The following ANKRD36C variants were observed in gnomAD, a reference collection of about 807,000 sequenced individuals.
The protein encoded by ANKRD36C is ankyrin repeat domain 36C.
A neutral mutation model predicts 276.4 loss-of-function variants in ANKRD36C; 61 were observed. That is an observed-to-expected ratio of 0.22 (90% CI 0.18 to 0.27). ANKRD36C has a LOEUF of 0.27. ANKRD36C is among the 10% of genes least tolerant of loss of function. The pLI, the probability that ANKRD36C is intolerant of heterozygous loss-of-function variation, is 1.00. For missense variants in ANKRD36C, 1,447 were observed against 2,032.3 expected (o/e 0.71, Z 5.54); for synonymous variants, 483 against 680.1 (o/e 0.71, Z 4.51).
At chr2:95,943,332 A>T (rs1480500826) in intron 19 of ANKRD36C, among the ~76,000 whole-genome samples, 4 of 151,982 alleles carry the variant, frequency 2.6e-5, no homozygotes, top group Admixed American at 6.6e-5. Context: ...AAATATAAAA[A>T]AAATTAGCCG....
At chr2:95,913,098 C>A (rs1434783181) in intron 40 of ANKRD36C, among the ~76,000 whole-genome samples, 1 of 149,092 alleles carries the variant, frequency 6.7e-6, no homozygotes, top group African/African-American at 2.5e-5. Context: ...ACTCTTGGCA[C>A]CAAAGGATAA....
At chr2:95,871,535 A>G (rs1675812117) in intron 59 of ANKRD36C, among the ~76,000 whole-genome samples, 1 of 152,208 alleles carries the variant, frequency 6.6e-6, no homozygotes, top group Non-Finnish European at 1.5e-5. Flanking sequence ...GTGGAAAGGA[A>G]CAACCGGTAC....
chr2:95,930,289 G>A (rs76386428), intron 24 of ANKRD36C, among the ~76,000 whole-genome samples: 2 of 151,438 alleles, frequency 1.3e-5, no homozygotes, highest in African/African-American at 4.8e-5. Flanking sequence ...ACAAAGAGGA[G>A]CAATGAGTCA....
intron 58 of ANKRD36C, 48 bp from the exon 79 acceptor site, chr2:95,876,560 A>G (rs1675958865): frequency 6.5e-7 from 1 of 1,538,630 alleles, no homozygotes; most frequent in Non-Finnish European, 8.9e-7. Flanking sequence ...CAGAACAGTT[A>G]GATAAAAGCC....
intron 22 of ANKRD36C, among the ~76,000 whole-genome samples, chr2:95,936,603 A>C (rs879357137): frequency 0.06 from 6,065 of 100,888 alleles, no homozygotes; most frequent in African/African-American, 0.12. Context: ...TACCAGGTCC[A>C]CATAAAGTCA....
exon 66 of ANKRD36C, chr2:95,851,725 C>T (rs746034483): frequency 3.3e-5 from 51 of 1,526,638 alleles, no homozygotes; most frequent in Non-Finnish European, 4.3e-5. Flanking sequence ...TTTCTCAAAC[C>T]GCTCAATTTG....
chr2:95,914,555 C>A (rs1677034305), intron 38 of ANKRD36C, among the ~76,000 whole-genome samples: 1 of 151,388 alleles, frequency 6.6e-6, no homozygotes, highest in Non-Finnish European at 1.5e-5. Flanking sequence ...TAAAATAAAA[C>A]CGTGTCAATC....
intron 48 of ANKRD36C, 136 bp from the exon 69 acceptor site, chr2:95,888,256 T>C: frequency 6.8e-7 from 1 of 1,476,140 alleles, no homozygotes; most frequent in Non-Finnish European, 9.2e-7. Flanking sequence ...ACTTTGTGAC[T>C]GGGGACTGGA....
At chr2:95,888,119 C>T in exon 49 of ANKRD36C, 1 of 1,608,748 alleles carries the variant, frequency 6.2e-7, no homozygotes, top group East Asian at 2.2e-5. Flanking sequence ...TCTGAGAAGA[C>T]ACTGAAAAGC....
intron 20 of ANKRD36C, among the ~76,000 whole-genome samples, chr2:95,940,207 A>G (rs1419957119): frequency 1.3e-5 from 2 of 152,300 alleles, no homozygotes; most frequent in African/African-American, 4.8e-5. Context: ...TATTTTTAGT[A>G]GAGATGGGGT....
Position 95,887,909 on chromosome 2 carries a change from T to C in ANKRD36C, c.3061+16A>G. 6.4e-7 allele frequency: 1 copy of C among 1,573,122 alleles called. No individual in the cohort carries two copies. The highest frequency in any genetic ancestry group is 8.6e-7 in the Non-Finnish European group (1 of 1,158,288). On this transcript the variant is annotated intron_variant, in intron 50 of 66. Transcript: ENST00000456556. ...TCTGGACTGAACATGACATTAAATG[T>C]GTTTTGTGAAATTACCTGTTCCAGA...
At chr2:95,902,325 A>G (rs1285940475) in intron 42 of ANKRD36C, among the ~76,000 whole-genome samples, 1 of 149,186 alleles carries the variant, frequency 6.7e-6, no homozygotes, top group African/African-American at 2.5e-5. Context: ...TTTGTTATGA[A>G]AATATTCCAA....
chr2:95,893,562 T>G, intron 44 of ANKRD36C: 1 of 1,557,282 alleles, frequency 6.4e-7, no homozygotes, highest in South Asian at 1.2e-5. Context: ...ATCCTTTTTT[T>G]CTCTGGCTAT....
Position 95,895,676 on chromosome 2 carries a change from T to C in ANKRD36C, c.2755+3469A>G, listed in dbSNP as rs1287975939. On this transcript the variant is annotated intron_variant, in intron 44 of 66. Transcript: ENST00000456556. ...TTCACACAGTGTTAGCATCAACCTC[T>C]GTCCTCCTGCCTGTATTAGTGGAGG... 3.2e-6 allele frequency: 5 copies of C among 1,554,082 alleles called. 1 individual carries two copies. The highest frequency in any genetic ancestry group is 3.6e-5 in the Admixed American group (2 of 55,800).
intron 42 of ANKRD36C, 77 bp from the exon 53 acceptor site, chr2:95,903,158 A>G: frequency 2.6e-6 from 4 of 1,527,410 alleles, no homozygotes; most frequent in Middle Eastern, 2.4e-4. Context: ...CAGTGTTAGC[A>G]TCAACCTCTG....
At chr2:95,872,826 A>G (rs2104300613) in intron 59 of ANKRD36C, among the ~76,000 whole-genome samples, 1 of 152,302 alleles carries the variant, frequency 6.6e-6, no homozygotes. Flanking sequence ...ACAAAATGAT[A>G]AAGGGGATAT....
chr2:95,888,093 T>C, exon 49 of ANKRD36C: 2 of 1,609,350 alleles, frequency 1.2e-6, no homozygotes, highest in South Asian at 2.2e-5. Flanking sequence ...TTTAATTACC[T>C]TCAAGGCTGG....
intron 60 of ANKRD36C, among the ~76,000 whole-genome samples, chr2:95,862,801 G>C (rs139235881): frequency 1.3e-5 from 2 of 152,152 alleles, no homozygotes; most frequent in Non-Finnish European, 2.9e-5. Context: ...CTAATGAATG[G>C]GATTAGTACT....
chr2:95,924,330 C>T (rs1677350871), intron 30 of ANKRD36C, among the ~76,000 whole-genome samples: 1 of 151,708 alleles, frequency 6.6e-6, no homozygotes, highest in Non-Finnish European at 1.5e-5. Flanking sequence ...TAATTTTCTT[C>T]ATCCACTAAT....
Sources: allele counts gnomAD v4.1 joint callset (sites outside exome capture counted in the v4.1 genomes callset), GRCh38; gene constraint gnomAD v4.1.1; transcripts MANE v1.5; gene names NCBI Gene and HGNC (gene_info 2026-07-23, HGNC 2026-07-21).